Variants in ASIC2 observed in about 807,000 individuals in gnomAD.
The protein encoded by ASIC2 is acid sensing ion channel subunit 2.
In ASIC2, 25 loss-of-function variants were observed where a neutral mutation model predicts 57.3. The observed-to-expected ratio is 0.44, with a 90% CI of 0.32 to 0.61. The LOEUF is 0.61. Ranked by LOEUF, ASIC2 falls within the 20% of genes least tolerant of loss-of-function variation. The pLI, the probability that ASIC2 is intolerant of heterozygous loss-of-function variation, is 0.06. For synonymous variants in ASIC2, 319 were observed against 307.5 expected, an observed-to-expected ratio of 1.04 and a Z score of -0.39; for missense variants, 641 against 738.1, an observed-to-expected ratio of 0.87 and a Z score of 1.52.
intron 1 of ASIC2, among the ~76,000 whole-genome samples, chr17:33,162,681 G>C (rs16968097): frequency 0.023 from 3,567 of 152,234 alleles, 162 homozygotes; most frequent in African/African-American, 0.083. Flanking sequence ...TCTCACACTC[G>C]GACTTGGCTC....
intron 3 of ASIC2, among the ~76,000 whole-genome samples, chr17:33,065,950 G>A (rs2092041805): frequency 6.6e-6 from 1 of 152,140 alleles, no homozygotes; most frequent in African/African-American, 2.4e-5. Context: ...ATAAAGGTAG[G>A]GCTGGGCTTC....
At chr17:33,877,097 A>C (rs1433499293) in intron 1 of ASIC2, among the ~76,000 whole-genome samples, 1 of 152,154 alleles carries the variant, frequency 6.6e-6, no homozygotes, top group African/African-American at 2.4e-5. Context: ...TTTTCTCCAC[A>C]GTATGATATG....
At chr17:33,704,653 G>A (rs1908809648) in intron 1 of ASIC2, among the ~76,000 whole-genome samples, 1 of 152,074 alleles carries the variant, frequency 6.6e-6, no homozygotes, top group Non-Finnish European at 1.5e-5. Context: ...CAAAACAAGG[G>A]GCAGAAGTTC....
chr17:33,800,271 A>T (rs1048822299), intron 1 of ASIC2, among the ~76,000 whole-genome samples: 1 of 152,184 alleles, frequency 6.6e-6, no homozygotes, highest in African/African-American at 2.4e-5. Context: ...CTTGGAATGC[A>T]CACCCCCTTT....
intron 1 of ASIC2, among the ~76,000 whole-genome samples, chr17:33,748,972 A>G (rs559068011): frequency 8.5e-4 from 130 of 152,308 alleles, no homozygotes; most frequent in African/African-American, 3.1e-3. Context: ...TGTCTGCAGC[A>G]TGGCCCTGGG....
chr17:33,535,248 A>T (rs1386898868), intron 1 of ASIC2, among the ~76,000 whole-genome samples: 5 of 151,434 alleles, frequency 3.3e-5, no homozygotes, highest in South Asian at 2.1e-4. Flanking sequence ...TTAGCAATGG[A>T]TATGGTGGGA....
chr17:33,642,882 C>T (rs911955574), intron 1 of ASIC2, among the ~76,000 whole-genome samples: 6 of 152,204 alleles, frequency 3.9e-5, no homozygotes, highest in African/African-American at 1.4e-4. Flanking sequence ...CTTGTCAGAG[C>T]ATGGCTTCCC....
intron 1 of ASIC2, among the ~76,000 whole-genome samples, chr17:33,117,684 T>C (rs1036073399): frequency 1.3e-5 from 2 of 152,312 alleles, no homozygotes; most frequent in South Asian, 2.1e-4. Flanking sequence ...AAGTCTGTGG[T>C]CATTCTCAAT....
chr17:33,676,322 AG>A (rs1907816535), intron 1 of ASIC2, among the ~76,000 whole-genome samples: 1 of 152,258 alleles, frequency 6.6e-6, no homozygotes, highest in African/African-American at 2.4e-5. Flanking sequence ...ATCAAAAGCT[AG>A]AAATGATTAT....
At chr17:33,876,355 T>C (rs886877964) in intron 1 of ASIC2, among the ~76,000 whole-genome samples, 2 of 152,222 alleles carry the variant, frequency 1.3e-5, no homozygotes, top group African/African-American at 2.4e-5. Flanking sequence ...GTGCCTAGGA[T>C]ACCTGGTCAC....
intron 1 of ASIC2, chr17:34,038,217 C>A: frequency 6.2e-7 from 1 of 1,612,138 alleles, no homozygotes; most frequent in South Asian, 1.1e-5. Context: ...AAAGCATTCA[C>A]AATCTGCATG....
At chr17:33,428,749 G>A (rs1911302469) in intron 1 of ASIC2, among the ~76,000 whole-genome samples, 2 of 152,058 alleles carry the variant, frequency 1.3e-5, no homozygotes, top group Non-Finnish European at 1.5e-5. Context: ...CTCCACTGAC[G>A]GACAGCCCTC....
At chr17:33,320,401 C>T (rs768206105) in intron 1 of ASIC2, among the ~76,000 whole-genome samples, 3 of 152,102 alleles carry the variant, frequency 2.0e-5, no homozygotes, top group East Asian at 1.9e-4. Context: ...CTCACTCTTA[C>T]GGAAGGAGTT....
chr17:33,386,584 G>A (rs536746149), intron 1 of ASIC2, among the ~76,000 whole-genome samples: 1 of 152,270 alleles, frequency 6.6e-6, no homozygotes, highest in African/African-American at 2.4e-5. Flanking sequence ...CTGAGCTGCA[G>A]CCATCCCTCA....
At chr17:33,353,803 A>G (rs1472401676) in intron 1 of ASIC2, among the ~76,000 whole-genome samples, 1 of 152,138 alleles carries the variant, frequency 6.6e-6, no homozygotes, top group Non-Finnish European at 1.5e-5. Flanking sequence ...CAATTAATTC[A>G]TCTTTAAATA....
intron 1 of ASIC2, among the ~76,000 whole-genome samples, chr17:34,056,039 CAG>C (rs764250755): frequency 3.0e-4 from 46 of 152,010 alleles, no homozygotes; most frequent in African/African-American, 1.0e-3. Flanking sequence ...GTAAGACTGT[CAG>C]GGGACAGATT....
chr17:33,440,519 T>C (rs1164633996), intron 1 of ASIC2, among the ~76,000 whole-genome samples: 1 of 152,218 alleles, frequency 6.6e-6, no homozygotes, highest in Non-Finnish European at 1.5e-5. Context: ...GTGTTTAAAC[T>C]TCCGAGGAAG....
chr17:34,005,584 C>T (rs1404338267), intron 1 of ASIC2: 1 of 152,018 alleles, frequency 6.6e-6, no homozygotes, highest in Admixed American at 6.6e-5. Flanking sequence ...CCTCCAAATG[C>T]CTCATTCTCA....
chr17:33,840,596 T>C (rs912218079), intron 1 of ASIC2, among the ~76,000 whole-genome samples: 3 of 152,036 alleles, frequency 2.0e-5, no homozygotes, highest in Admixed American at 6.6e-5. Flanking sequence ...TAATCAAAGG[T>C]TTTAGAAGGG....
Sources: allele counts gnomAD v4.1 joint callset (sites outside exome capture counted in the v4.1 genomes callset), GRCh38; gene constraint gnomAD v4.1.1; transcripts MANE v1.5; gene names NCBI Gene and HGNC (gene_info 2026-07-23, HGNC 2026-07-21).